The following ABCC9 variants were observed in gnomAD, a reference collection of about 807,000 sequenced individuals.
ABCC9 encodes the protein ATP binding cassette subfamily C member 9, also known as ATP-binding cassette sub-family C member 9.
A neutral mutation model predicts 188.3 loss-of-function variants in ABCC9; 95 were observed. That is an observed-to-expected ratio of 0.50 (90% CI 0.43 to 0.60). The LOEUF is 0.60. Ranked by LOEUF, ABCC9 falls within the 20% of genes least tolerant of loss-of-function variation. The pLI, the probability that ABCC9 is intolerant of heterozygous loss-of-function variation, is 0.00. For synonymous variants in ABCC9, 659 were observed against 652.7 expected, an observed-to-expected ratio of 1.01 and a Z score of -0.15; for missense variants, 1,102 against 1,876.3, an observed-to-expected ratio of 0.59 and a Z score of 7.62.
At position 21,880,060 on chromosome 12, in the gene ABCC9, G is replaced by T. The variant is rs1053113546; in HGVS notation, c.2019+2706C>A. ...GGGGACAGTGATCAATAATACATGG[G>T]GCTAGGCAACTAGATATCACACTTG... On this transcript the variant is annotated intron_variant, in intron 16 of 39. Coordinates refer to ENST00000261200, the MANE Select transcript of ABCC9 (RefSeq NM_020297.4). Among the ~76,000 whole-genome samples the T allele has an allele frequency of 3.4e-5, 5 of 149,212 alleles. No homozygotes were observed. In the Admixed American group the frequency reaches 3.4e-4, roughly 10 times the overall value.
chr12:21,832,135 C>A (rs139483737), intron 30 of ABCC9, among the ~76,000 whole-genome samples: 3 of 152,258 alleles, frequency 2.0e-5, no homozygotes, highest in African/African-American at 7.2e-5. Context: ...ATATCCAGCT[C>A]ATCTTCTGAA....
chr12:21,852,529 A>T, intron 22 of ABCC9, 24 bp from the exon 23 acceptor site: 1 of 1,606,100 alleles, frequency 6.2e-7, no homozygotes, highest in East Asian at 2.2e-5. Context: ...AATGGAGGAA[A>T]GATGGACGTT....
intron 12 of ABCC9, among the ~76,000 whole-genome samples, chr12:21,905,094 A>T (rs1947968054): frequency 1.3e-5 from 2 of 152,234 alleles, no homozygotes; most frequent in East Asian, 3.9e-4. Context: ...AATACTATGC[A>T]GCCATAAAAA....
At chr12:21,832,622 A>T (rs182733753) in intron 30 of ABCC9, among the ~76,000 whole-genome samples, 130 of 152,320 alleles carry the variant, frequency 8.5e-4, no homozygotes, top group African/African-American at 3.0e-3. Flanking sequence ...AAAATAAAAA[A>T]AAAAAATAGA....
intron 5 of ABCC9, chr12:21,925,688 C>A (rs140888148): frequency 1.6e-5 from 10 of 626,654 alleles, no homozygotes; most frequent in Admixed American, 2.5e-5. Flanking sequence ...CCCCCACCCC[C>A]CTACACCACA....
At chr12:21,826,562 A>G (rs1223703397) in intron 31 of ABCC9, among the ~76,000 whole-genome samples, 1 of 152,212 alleles carries the variant, frequency 6.6e-6, no homozygotes, top group African/African-American at 2.4e-5. Context: ...TAGTATTTAT[A>G]TTTAAATACA....
At chr12:21,865,649 A>T (rs1403353956) in intron 18 of ABCC9, among the ~76,000 whole-genome samples, 1 of 152,186 alleles carries the variant, frequency 6.6e-6, no homozygotes, top group Non-Finnish European at 1.5e-5. Context: ...TCAAGTGGAA[A>T]TGCCCATTAG....
rs1944562961 is a variant in ABCC9 at position 21,844,881 on chromosome 12, C to T, written c.3131G>A (p.Gly1044Glu). The change falls in exon 27 of 40, where the codon GGA (glycine) becomes GAA (glutamate). Residue 1044 changes from glycine to glutamate, a missense_variant. This residue lies in a region of ABCC9 where 74 missense variants were observed against 132.7 expected (regional missense o/e 0.56). Transcript: ENST00000261200. ...AACAAGGCAAAGGAAAATGCCTGCTCCACAGAGTATGCTAAAGCCAGCCAC... is the reference window on the plus strand; with the variant it reads ...AACAAGGCAAAGGAAAATGCCTGCTTCACAGAGTATGCTAAAGCCAGCCAC... ...YYVAGFSILC[G>E]AGIFLCLVTS... The T allele has an allele frequency of 1.9e-6, 3 of 1,613,824 alleles. No homozygotes were observed. Among genetic ancestry groups the T allele is most frequent in the Non-Finnish European group, 2.5e-6 (3 of 1,179,838 alleles).
At chr12:21,908,259 G>A in intron 10 of ABCC9, 48 bp from the exon 11 acceptor site, 1 of 1,598,532 alleles carries the variant, frequency 6.3e-7, no homozygotes, top group East Asian at 2.2e-5. Context: ...GGTTGTGGGA[G>A]CCATTGCATG....
chr12:21,923,838 C>T, intron 5 of ABCC9: 1 of 700,272 alleles, frequency 1.4e-6, no homozygotes, highest in Non-Finnish European at 2.6e-6. Context: ...GCAGCTTTTA[C>T]TCTCATGATG....
intron 14 of ABCC9, among the ~76,000 whole-genome samples, chr12:21,893,640 C>T (rs1387526427): frequency 6.6e-6 from 1 of 151,932 alleles, no homozygotes; most frequent in Non-Finnish European, 1.5e-5. Context: ...AACAGAGATG[C>T]GTGAACTTCA....
intron 29 of ABCC9, 107 bp from the exon 30 acceptor site, chr12:21,838,277 A>G: frequency 1.1e-6 from 1 of 913,386 alleles, no homozygotes; most frequent in Non-Finnish European, 1.8e-6. Context: ...TGTTTTCCTC[A>G]TTGAAATTTT....
chr12:21,909,649 T>C (rs1309919584), intron 10 of ABCC9, among the ~76,000 whole-genome samples: 2 of 151,970 alleles, frequency 1.3e-5, no homozygotes, highest in African/African-American at 2.4e-5. Context: ...CTATTGAAAC[T>C]ATGGGATTGA....
rs1356036355 is a variant in ABCC9 at position 21,887,890 on chromosome 12, T to C, written c.1847A>G (p.Asp616Gly). Residue 616 changes from aspartate (D) to glycine (G), a missense_variant, in exon 15 of 40, where the codon GAC becomes GGC. By Grantham distance (94) the Asp-to-Gly change is moderately conservative. Coordinates refer to ENST00000261200, the MANE Select transcript of ABCC9 (RefSeq NM_020297.4). ...NEFLLSDEIG[D>G]DSWRTGESSL... Reference sequence around the variant, plus strand: ...ACTTTCACCAGTTCGCCAACTGTCGTCACCAATCTCATCACTCAAGAGAAA... The same window carrying C: ...ACTTTCACCAGTTCGCCAACTGTCGCCACCAATCTCATCACTCAAGAGAAA... 1 of 1,613,506 alleles carries C rather than the reference T, an allele frequency of 6.2e-7. No individual in the cohort carries two copies. The highest frequency in any genetic ancestry group is 1.7e-5 in the Admixed American group (1 of 59,922).
At position 21,915,872 on chromosome 12, in the gene ABCC9, A is replaced by G. The variant is rs375789756; in HGVS notation, c.612T>C (p.Pro204=). ...VFFMNPQKVK[P]PEDLQDLGVR... Reference sequence around the variant, plus strand: ...CTCCCAGATCCTGGAGGTCTTCAGGAGGCTTTACTTTCTGAGGATTCATGA... The same window carrying G: ...CTCCCAGATCCTGGAGGTCTTCAGGGGGCTTTACTTTCTGAGGATTCATGA... The change falls in exon 7 of 40, where the codon CCT becomes CCC. Residue 204 remains proline (P), a synonymous_variant. Transcript: ENST00000261200. The G allele has an allele frequency of 6.2e-7, 1 of 1,613,302 alleles. No homozygotes were observed. Among genetic ancestry groups the G allele is most frequent in the Non-Finnish European group, 8.5e-7 (1 of 1,179,682 alleles).
At chr12:21,841,365 T>C (rs905672177) in intron 29 of ABCC9, among the ~76,000 whole-genome samples, 3 of 136,484 alleles carry the variant, frequency 2.2e-5, no homozygotes, top group African/African-American at 5.5e-5. Context: ...TTTTTTTTTT[T>C]TTTTTTTTTT....
At position 21,925,938 on chromosome 12, in the gene ABCC9, T is replaced by C; in HGVS notation, c.406+4A>G. 4 of 1,609,488 alleles carry C rather than the reference T, an allele frequency of 2.5e-6. No homozygotes were observed. Among genetic ancestry groups the C allele is most frequent in the Non-Finnish European group, 8.5e-7 (1 of 1,175,836 alleles). ...GGAGAAACAACAAAAGTGATCATACTTACCTAAAAGTAATTTAGGAAAATT... is the reference window on the plus strand; with the variant it reads ...GGAGAAACAACAAAAGTGATCATACCTACCTAAAAGTAATTTAGGAAAATT... On this transcript the variant is annotated splice_donor_region_variant and intron_variant, in intron 5 of 39. Coordinates refer to ENST00000261200, the MANE Select transcript of ABCC9 (RefSeq NM_020297.4).
chr12:21,830,929 A>G (rs1186267737), intron 30 of ABCC9: 1 of 152,142 alleles, frequency 6.6e-6, no homozygotes, highest in Non-Finnish European at 1.5e-5. Context: ...GGGATGTTCA[A>G]AGGGTTATAG....
chr12:21,823,840 G>A (rs1429053631), intron 31 of ABCC9, among the ~76,000 whole-genome samples: 1 of 152,246 alleles, frequency 6.6e-6, no homozygotes, highest in Non-Finnish European at 1.5e-5. Context: ...TTGGCACCCA[G>A]AGGAAAAACA....
Sources: gnomAD v4.1 joint callset for allele counts (sites outside exome capture counted in the v4.1 genomes callset) on GRCh38, gnomAD v4.1.1 for gene constraint, gnomAD v4.1.1 regional missense constraint, MANE v1.5 for transcripts, NCBI Gene and HGNC (gene_info 2026-07-23, HGNC 2026-07-21) for gene names.